Variants in FAM110B observed in about 807,000 individuals in gnomAD.
FAM110B encodes family with sequence similarity 110 member B.
A neutral mutation model predicts 20.4 loss-of-function variants in FAM110B; 6 were observed. The observed-to-expected ratio is 0.29, with a 90% CI of 0.16 to 0.58. The LOEUF is 0.58. FAM110B is among the 20% of genes least tolerant of loss of function. The pLI is 0.90. For synonymous variants in FAM110B, 226 were observed against 214.1 expected (o/e 1.06, Z -0.49); for missense variants, 434 against 498.2 (o/e 0.87, Z 1.23).
intron 3 of FAM110B, among the ~76,000 whole-genome samples, chr8:58,092,642 T>A (rs1474979568): frequency 6.6e-6 from 1 of 152,264 alleles, no homozygotes; most frequent in African/African-American, 2.4e-5. Context: ...ATCCAGTCTA[T>A]CATTGATGGG....
intron 3 of FAM110B, among the ~76,000 whole-genome samples, chr8:58,133,211 T>TG (rs1335371720): frequency 4.6e-5 from 7 of 151,904 alleles, no homozygotes; most frequent in East Asian, 1.9e-4. Context: ...TTTTGTTTTT[T>TG]TTTTTTTTCT....
intron 2 of FAM110B, among the ~76,000 whole-genome samples, chr8:58,038,677 G>A (rs1186917876): frequency 6.6e-6 from 1 of 151,980 alleles, no homozygotes; most frequent in Non-Finnish European, 1.5e-5. Context: ...ATTTGAACCT[G>A]GGAGGCAAAG....
At chr8:58,018,809 A>AATAGATAG (rs59685703) in intron 1 of FAM110B, among the ~76,000 whole-genome samples, 5,725 of 147,988 alleles carry the variant, frequency 0.039, 116 homozygotes, top group Middle Eastern at 0.079. Flanking sequence ...TAGGGATTAC[A>AATAGATAG]ATAGATAGAT....
chr8:58,036,593 A>G (rs1805076930), intron 2 of FAM110B, among the ~76,000 whole-genome samples: 1 of 152,206 alleles, frequency 6.6e-6, no homozygotes, highest in Admixed American at 6.5e-5. Context: ...GCCAAGTGAA[A>G]GTTTCTGAAA....
At chr8:58,077,502 G>C (rs1039805728) in intron 3 of FAM110B, among the ~76,000 whole-genome samples, 1 of 152,196 alleles carries the variant, frequency 6.6e-6, no homozygotes, top group African/African-American at 2.4e-5. Flanking sequence ...CTACAGAGTT[G>C]AGTAGACCTG....
chr8:58,001,402 C>G (rs1804292021), intron 1 of FAM110B, among the ~76,000 whole-genome samples: 1 of 151,870 alleles, frequency 6.6e-6, no homozygotes, highest in South Asian at 2.1e-4. Context: ...GAGAAAGGGG[C>G]CTAGTGTTCA....
intron 2 of FAM110B, among the ~76,000 whole-genome samples, chr8:58,065,648 A>G (rs892742579): frequency 1.3e-5 from 2 of 152,060 alleles, no homozygotes; most frequent in African/African-American, 2.4e-5. Flanking sequence ...TCCAGTTACT[A>G]TGCCCATGGG....
At chr8:58,102,029 T>C (rs1392512486) in intron 3 of FAM110B, among the ~76,000 whole-genome samples, 1 of 152,256 alleles carries the variant, frequency 6.6e-6, no homozygotes, top group East Asian at 1.9e-4. Context: ...AAATCTTCCA[T>C]ATGAATGCCA....
intron 3 of FAM110B, among the ~76,000 whole-genome samples, chr8:58,088,169 C>T (rs1257414777): frequency 6.6e-6 from 1 of 152,182 alleles, no homozygotes; most frequent in Non-Finnish European, 1.5e-5. Flanking sequence ...ATTTATTTTA[C>T]ACCTGTTGTA....
intron 3 of FAM110B, among the ~76,000 whole-genome samples, chr8:58,119,280 A>C (rs1807293702): frequency 6.6e-6 from 1 of 152,194 alleles, no homozygotes; most frequent in South Asian, 2.1e-4. Flanking sequence ...TCAGTTCTGA[A>C]GGCTGGAATG....
intron 3 of FAM110B, among the ~76,000 whole-genome samples, chr8:58,139,147 A>T (rs1423076921): frequency 6.6e-6 from 1 of 152,270 alleles, no homozygotes; most frequent in African/African-American, 2.4e-5. Flanking sequence ...AGCTGAAAGA[A>T]TACGCTAAAA....
chr8:58,000,987 G>A (rs879512789), intron 1 of FAM110B, among the ~76,000 whole-genome samples: 1 of 152,202 alleles, frequency 6.6e-6, no homozygotes, highest in Non-Finnish European at 1.5e-5. Flanking sequence ...TTGTTAATAT[G>A]ACTAGTCATG....
At chr8:58,021,823 A>T (rs1041318004) in intron 1 of FAM110B, among the ~76,000 whole-genome samples, 1 of 152,282 alleles carries the variant, frequency 6.6e-6, no homozygotes, top group Admixed American at 6.5e-5. Context: ...CTACTAAATG[A>T]TAATACATTT....
chr8:57,994,851 G>T (rs1430947550), intron 1 of FAM110B, 45 bp downstream of exon 1: 3 of 152,362 alleles, frequency 2.0e-5, no homozygotes, highest in Non-Finnish European at 4.4e-5. Context: ...GCTGGGCGGG[G>T]GTTGGGATTC....
At chr8:58,068,057 G>A (rs1805808383) in intron 2 of FAM110B, among the ~76,000 whole-genome samples, 1 of 152,188 alleles carries the variant, frequency 6.6e-6, no homozygotes, top group South Asian at 2.1e-4. Context: ...AGCTTTTTCA[G>A]TGCCTATTTT....
chr8:58,006,923 A>ATATATATATTTTTTTTTTTT, intron 1 of FAM110B, among the ~76,000 whole-genome samples: 86 of 126,510 alleles, frequency 6.8e-4, no homozygotes, highest in African/African-American at 2.1e-3. Context: ...ATATATATAT[A>ATATATATATTTTTTTTTTTT]TTTTTCCAAA....
At chr8:58,028,676 G>A (rs1320716126) in intron 1 of FAM110B, among the ~76,000 whole-genome samples, 6 of 152,080 alleles carry the variant, frequency 3.9e-5, no homozygotes, top group Non-Finnish European at 5.9e-5. Flanking sequence ...TTGCTTTCAC[G>A]GTTTCTAGAA....
chr8:58,085,619 T>G (rs750048865), intron 3 of FAM110B, among the ~76,000 whole-genome samples: 1 of 152,226 alleles, frequency 6.6e-6, no homozygotes, highest in South Asian at 2.1e-4. Context: ...CTGAAAAAGT[T>G]TCACATTCAT....
intron 1 of FAM110B, among the ~76,000 whole-genome samples, chr8:58,022,045 G>T (rs1186302944): frequency 6.6e-6 from 1 of 152,148 alleles, no homozygotes; most frequent in African/African-American, 2.4e-5. Flanking sequence ...AGCATTCTGG[G>T]GTGCTGTTGG....
Sources: gnomAD v4.1 joint callset for allele counts (sites outside exome capture counted in the v4.1 genomes callset) on GRCh38, gnomAD v4.1.1 for gene constraint, MANE v1.5 for transcripts, NCBI Gene and HGNC (gene_info 2026-07-23, HGNC 2026-07-21) for gene names.